The following ASH1L variants were observed in gnomAD, a reference collection of about 807,000 sequenced individuals.
ASH1L encodes the protein ASH1 like histone lysine methyltransferase, also known as histone-lysine N-methyltransferase ASH1L.
ASH1L carries 23 observed loss-of-function variants against 269.0 expected under a neutral mutation model. That is an observed-to-expected ratio of 0.09 (90% CI 0.06 to 0.12). ASH1L has a LOEUF of 0.12. ASH1L is among the 10% of genes least tolerant of loss of function. The pLI, the probability that ASH1L is intolerant of heterozygous loss-of-function variation, is 1.00. For missense variants in ASH1L, 2,912 were observed against 3,567.8 expected, an observed-to-expected ratio of 0.82 and a Z score of 4.68; for synonymous variants, 1,187 against 1,253.5, an observed-to-expected ratio of 0.95 and a Z score of 1.12.
intron 7 of ASH1L, among the ~76,000 whole-genome samples, chr1:155,388,769 G>A (rs1173590872): frequency 6.8e-6 from 1 of 147,976 alleles, no homozygotes; most frequent in Non-Finnish European, 1.5e-5. Context: ...ACCCAGGCTG[G>A]AGTGCGCTGG....
chr1:155,404,208 A>C (rs1408346314), intron 6 of ASH1L, among the ~76,000 whole-genome samples: 1 of 152,052 alleles, frequency 6.6e-6, no homozygotes, highest in African/African-American at 2.4e-5. Context: ...TAAAAAAATT[A>C]GTCCAGTGTG....
intron 6 of ASH1L, among the ~76,000 whole-genome samples, chr1:155,411,586 A>AATATATATATATAAATATATAT (rs1553253332): frequency 5.4e-5 from 3 of 55,182 alleles, no homozygotes; most frequent in Admixed American, 5.0e-4. Context: ...TAAATAAATA[A>AATATATATATATAAATATATAT]ATATATATAT....
intron 4 of ASH1L, among the ~76,000 whole-genome samples, chr1:155,452,703 C>T (rs773704952): frequency 1.3e-4 from 19 of 151,968 alleles, no homozygotes; most frequent in Non-Finnish European, 2.4e-4. Flanking sequence ...TACAGGTGTG[C>T]GTGACCATGT....
intron 10 of ASH1L, among the ~76,000 whole-genome samples, chr1:155,372,459 C>G (rs1378842278): frequency 6.6e-6 from 1 of 151,744 alleles, no homozygotes; most frequent in Admixed American, 6.6e-5. Context: ...CAGACATGCA[C>G]CACTACGCCC....
chr1:155,369,603 A>C (rs903766351), intron 12 of ASH1L, among the ~76,000 whole-genome samples: 2 of 152,082 alleles, frequency 1.3e-5, no homozygotes, highest in African/African-American at 4.8e-5. Context: ...ATTAGATGCT[A>C]ATCTATTTGA....
intron 5 of ASH1L, among the ~76,000 whole-genome samples, chr1:155,431,324 T>C (rs1278704164): frequency 6.6e-6 from 1 of 151,992 alleles, no homozygotes; most frequent in Non-Finnish European, 1.5e-5. Context: ...AAGGTCACAC[T>C]CTGTCACCAA....
At chr1:155,513,908 ACATATC>A (rs1668334647) in intron 2 of ASH1L, among the ~76,000 whole-genome samples, 1 of 152,326 alleles carries the variant, frequency 6.6e-6, no homozygotes, top group South Asian at 2.1e-4. Context: ...TCTGAATCTG[ACATATC>A]CATAGAATGA....
Position 155,478,337 on chromosome 1 carries a change from C to A in ASH1L, c.4533G>T (p.Leu1511=). Residue 1511 remains leucine (L), a synonymous_variant, in exon 3 of 28, where the codon CTG becomes CTT. Coordinates refer to ENST00000392403, the MANE Select transcript of ASH1L (RefSeq NM_018489.3). This position sits in a 1 kb window ranked among gnomAD's most constrained non-coding sequence, Gnocchi z 4.6. ...CAAATCTATAGCGCTTCAAAGATTC[C>A]AGGACAGATCGGGAAGAGCCAGTGT... ...SMDTGSSRSV[L]ESLKRYRFGK... The A allele has an allele frequency of 6.2e-7, 1 of 1,614,052 alleles. No individual in the cohort carries two copies. Among genetic ancestry groups the A allele is most frequent in the Non-Finnish European group, 8.5e-7 (1 of 1,180,008 alleles).
intron 12 of ASH1L, among the ~76,000 whole-genome samples, chr1:155,366,151 A>C (rs1431680035): frequency 6.6e-6 from 1 of 152,208 alleles, no homozygotes; most frequent in Non-Finnish European, 1.5e-5. Context: ...CTGACAAAAC[A>C]GGCTGCAGTA....
In ASH1L at chr1:155,562,431, G is replaced by A. The variant is rs1406151821; in HGVS notation, c.-378C>T. The A allele has an allele frequency of 1.4e-6, 2 of 1,463,846 alleles. No individual in the cohort carries two copies. 90.7% of individuals were successfully genotyped at this position (1,463,846 alleles called of 1,614,324 possible). ...AACCCAAAATGGCGGCGGGAGCGGC[G>A]GCGGCGGCGGCGGCAGCAGCAGAGT... On this transcript the variant is annotated 5_prime_UTR_variant, in exon 1 of 28. Transcript: ENST00000392403.
chr1:155,378,939 G>T (rs1656703428), intron 8 of ASH1L, among the ~76,000 whole-genome samples: 1 of 151,746 alleles, frequency 6.6e-6, no homozygotes, highest in South Asian at 2.1e-4. Context: ...TGTCTGGGTG[G>T]GTACATGAAA....
Position 155,380,040 on chromosome 1 carries a change from T to C in ASH1L, c.6177+3A>G, listed in dbSNP as rs1425793662. 3.7e-6 allele frequency: 6 copies of C among 1,607,528 alleles called. No individual in the cohort carries two copies. Among genetic ancestry groups the C allele is most frequent in the Non-Finnish European group, 5.1e-6 (6 of 1,174,450 alleles). On this transcript the variant is annotated splice_donor_region_variant and intron_variant, in intron 8 of 27. Transcript: ENST00000392403. ...GAAACCTGGTAAAACAGGCTCTCTG[T>C]ACCTGATTGTGTTTCCACTGCCAAA... is the stretch of plus-strand genomic sequence containing the variant.
At chr1:155,556,401 CGTGTGTGTGTGTGTGTGT>C (rs71080711) in intron 1 of ASH1L, among the ~76,000 whole-genome samples, 2 of 140,458 alleles carry the variant, frequency 1.4e-5, no homozygotes, top group African/African-American at 2.7e-5. Context: ...CATATATATA[CGTGTGTGTGTGTGTGTGT>C]GTGTGTGTGT....
In ASH1L at chr1:155,391,983, T is replaced by A. The variant is rs1046152868; in HGVS notation, c.6103+3476A>T. On this transcript the variant is annotated intron_variant, in intron 7 of 27. Coordinates refer to ENST00000392403, the MANE Select transcript of ASH1L (RefSeq NM_018489.3). ...AAAAATAGAAATAAAAATAAAAAAA[T>A]AAGAAAGAAATAAAAGAAAATAAGT... Among the ~76,000 whole-genome samples, 25 of 151,952 alleles carry A rather than the reference T, an allele frequency of 1.6e-4. 1 individual carries two copies. The highest frequency in any genetic ancestry group is 5.5e-4 in the African/African-American group (23 of 41,452).
At chr1:155,359,228 G>C (rs1224516644) in intron 13 of ASH1L, among the ~76,000 whole-genome samples, 3 of 152,136 alleles carry the variant, frequency 2.0e-5, no homozygotes, top group Admixed American at 2.0e-4. Context: ...TCTTGAGTAT[G>C]TGGGACTGTA....
chr1:155,381,317 G>A (rs1270691479), intron 7 of ASH1L, among the ~76,000 whole-genome samples: 1 of 152,110 alleles, frequency 6.6e-6, no homozygotes, highest in African/African-American at 2.4e-5. Context: ...CACTTTGGGA[G>A]GCCGAGGCAG....
intron 1 of ASH1L, among the ~76,000 whole-genome samples, chr1:155,559,642 C>T (rs1671827159): frequency 6.6e-6 from 1 of 151,728 alleles, no homozygotes; most frequent in Non-Finnish European, 1.5e-5. Context: ...TAAGTAGTGG[C>T]AAAAATCTCT....
intron 2 of ASH1L, among the ~76,000 whole-genome samples, chr1:155,494,502 A>T (rs1667025628): frequency 6.6e-6 from 1 of 152,198 alleles, no homozygotes; most frequent in Admixed American, 6.5e-5. Flanking sequence ...AAAAAACACA[A>T]AAAACTTTTA....
intron 3 of ASH1L, 134 bp from the exon 4 acceptor site, chr1:155,460,032 T>C: frequency 3.2e-6 from 2 of 616,342 alleles, no homozygotes; most frequent in South Asian, 4.4e-5. Flanking sequence ...ACTTGTAACC[T>C]GATATTAGGA....
Sources: allele counts gnomAD v4.1 joint callset (sites outside exome capture counted in the v4.1 genomes callset), GRCh38; gene constraint gnomAD v4.1.1; non-coding constraint Gnocchi (gnomAD v3.1); transcripts MANE v1.5; gene names NCBI Gene and HGNC (gene_info 2026-07-23, HGNC 2026-07-21).